The following UNC5D variants were observed in gnomAD, a reference collection of about 807,000 sequenced individuals.
UNC5D encodes unc-5 netrin receptor D, also known as netrin receptor UNC5D.
UNC5D carries 39 observed loss-of-function variants against 105.4 expected under a neutral mutation model. The ratio of observed to expected loss-of-function variants is 0.37; its 90% CI spans 0.29 to 0.48. UNC5D has a LOEUF of 0.48. Ranked by LOEUF, UNC5D falls within the 20% of genes least tolerant of loss-of-function variation. UNC5D has a pLI of 0.98. For missense variants in UNC5D, 991 were observed against 1,202.4 expected (o/e 0.82, Z 2.60); for synonymous variants, 452 against 450.4 (o/e 1.00, Z -0.04).
At chr8:35,515,994 C>G (rs1813068903) in intron 1 of UNC5D, among the ~76,000 whole-genome samples, 1 of 152,050 alleles carries the variant, frequency 6.6e-6, no homozygotes, top group African/African-American at 2.4e-5. Flanking sequence ...ACTGTTCAAG[C>G]CCGTCAAACT....
In UNC5D at chr8:35,395,292, C is replaced by A. The variant is rs759934670; in HGVS notation, c.104-154000C>A. Among the ~76,000 whole-genome samples, 3 of 152,254 alleles carry A rather than the reference C, an allele frequency of 2.0e-5. No homozygotes were observed. The East Asian group carries it at 5.8e-4, about 29-fold the overall frequency. On this transcript the variant is annotated intron_variant, in intron 1 of 16. Transcript: ENST00000404895. ...ACTTGACTATTTGGACAGTTTATAA[C>A]GCTAGTTGATCATCAAAATGAAGAT...
chr8:35,656,984 A>G (rs186773139), intron 4 of UNC5D, among the ~76,000 whole-genome samples: 30 of 148,900 alleles, frequency 2.0e-4, no homozygotes, highest in African/African-American at 6.0e-4. Flanking sequence ...TACCATAATA[A>G]ATTGACTGTT....
intron 4 of UNC5D, among the ~76,000 whole-genome samples, chr8:35,654,596 G>A (rs1034275990): frequency 2.0e-5 from 3 of 152,086 alleles, no homozygotes; most frequent in African/African-American, 7.2e-5. Flanking sequence ...TTTATCACCA[G>A]CCTGGCGATG....
intron 1 of UNC5D, among the ~76,000 whole-genome samples, chr8:35,503,547 C>A (rs138872385): frequency 2.0e-5 from 3 of 152,244 alleles, no homozygotes; most frequent in African/African-American, 7.2e-5. Flanking sequence ...ACAGCCAAAC[C>A]ATATCAGTTG....
chr8:35,624,713 T>A (rs2131045668), intron 4 of UNC5D, among the ~76,000 whole-genome samples: 1 of 152,332 alleles, frequency 6.6e-6, no homozygotes, highest in South Asian at 2.1e-4. Context: ...TACAGACACC[T>A]TTTCATGTTC....
chr8:35,700,617 C>A (rs1055264359), intron 7 of UNC5D, among the ~76,000 whole-genome samples: 4 of 151,844 alleles, frequency 2.6e-5, no homozygotes, highest in African/African-American at 9.7e-5. Context: ...CTGTAAGAAC[C>A]CTGAAGAGGG....
intron 2 of UNC5D, among the ~76,000 whole-genome samples, chr8:35,558,819 C>G (rs939691333): frequency 6.6e-6 from 1 of 152,126 alleles, no homozygotes; most frequent in African/African-American, 2.4e-5. Context: ...CTCATCTCTA[C>G]TAAAAACACA....
At chr8:35,297,975 G>A (rs1453315756) in intron 1 of UNC5D, among the ~76,000 whole-genome samples, 1 of 152,130 alleles carries the variant, frequency 6.6e-6, no homozygotes, top group Non-Finnish European at 1.5e-5. Flanking sequence ...ATTCCTCTCT[G>A]TCTTCACAGT....
At chr8:35,306,212 G>A (rs552735999) in intron 1 of UNC5D, among the ~76,000 whole-genome samples, 60 of 151,800 alleles carry the variant, frequency 4.0e-4, no homozygotes, top group East Asian at 1.7e-3. Flanking sequence ...TGGAATCGGC[G>A]ATGTGTGTGT....
At chr8:35,326,122 G>C (rs1810139092) in intron 1 of UNC5D, among the ~76,000 whole-genome samples, 1 of 152,186 alleles carries the variant, frequency 6.6e-6, no homozygotes, top group African/African-American at 2.4e-5. Flanking sequence ...ATATAGATTA[G>C]CTTTTTGTAT....
chr8:35,697,140 T>TACAC (rs10552113), intron 7 of UNC5D, among the ~76,000 whole-genome samples: 9 of 148,318 alleles, frequency 6.1e-5, no homozygotes, highest in South Asian at 2.1e-4. Flanking sequence ...TATATATACA[T>TACAC]ACACACACAC....
At chr8:35,442,919 C>G (rs1807525571) in intron 1 of UNC5D, among the ~76,000 whole-genome samples, 2 of 151,158 alleles carry the variant, frequency 1.3e-5, no homozygotes, top group African/African-American at 4.9e-5. Context: ...CACACACACA[C>G]ACACACACAC....
chr8:35,259,962 AT>A (rs1804359592), intron 1 of UNC5D, among the ~76,000 whole-genome samples: 1 of 151,870 alleles, frequency 6.6e-6, no homozygotes, highest in South Asian at 2.1e-4. Context: ...AGTCCTTATC[AT>A]TTTTCCCCCC....
intron 1 of UNC5D, among the ~76,000 whole-genome samples, chr8:35,383,261 C>T (rs1474008543): frequency 2.0e-5 from 3 of 152,108 alleles, no homozygotes; most frequent in African/African-American, 7.2e-5. Context: ...GCCAGTGTTG[C>T]TTTCATTACT....
chr8:35,283,349 T>A (rs1035580547), intron 1 of UNC5D, among the ~76,000 whole-genome samples: 1 of 152,162 alleles, frequency 6.6e-6, no homozygotes, highest in Non-Finnish European at 1.5e-5. Flanking sequence ...CTTCCTCTAA[T>A]TATATCTGTG....
At chr8:35,434,448 C>T (rs980090916) in intron 1 of UNC5D, among the ~76,000 whole-genome samples, 14 of 151,994 alleles carry the variant, frequency 9.2e-5, no homozygotes, top group Non-Finnish European at 1.8e-4. Flanking sequence ...ACTATGTTAA[C>T]AGAAATAATC....
intron 1 of UNC5D, among the ~76,000 whole-genome samples, chr8:35,431,393 A>G (rs1226514494): frequency 6.6e-6 from 1 of 152,166 alleles, no homozygotes; most frequent in East Asian, 1.9e-4. Context: ...TATGCTTATC[A>G]TGTGCCTAGA....
chr8:35,696,922 A>G (rs1826822112), intron 7 of UNC5D, among the ~76,000 whole-genome samples: 1 of 152,072 alleles, frequency 6.6e-6, no homozygotes, highest in African/African-American at 2.4e-5. Flanking sequence ...ATTTAGAAAG[A>G]TATCATAGGG....
intron 1 of UNC5D, among the ~76,000 whole-genome samples, chr8:35,301,140 T>C (rs573573148): frequency 1.3e-5 from 2 of 152,216 alleles, no homozygotes; most frequent in South Asian, 2.1e-4. Flanking sequence ...ATTCCAGAGA[T>C]GGAACAGGGA....
Sources: gnomAD v4.1 joint callset for allele counts (sites outside exome capture counted in the v4.1 genomes callset) on GRCh38, gnomAD v4.1.1 for gene constraint, MANE v1.5 for transcripts, NCBI Gene and HGNC (gene_info 2026-07-23, HGNC 2026-07-21) for gene names.